Variants in CELF5 observed in about 807,000 individuals in gnomAD.
CELF5 encodes the protein CUGBP Elav-like family member 5.
A neutral mutation model predicts 54.9 loss-of-function variants in CELF5; 6 were observed. The observed-to-expected ratio is 0.11, with a 90% CI of 0.06 to 0.22. The LOEUF (loss-of-function observed/expected upper bound fraction) is 0.22. Among genes scored for constraint, CELF5 ranks in the 10% least tolerant of loss-of-function variants. The pLI, the probability that CELF5 is intolerant of heterozygous loss-of-function variation, is 1.00. For synonymous variants in CELF5, 271 were observed against 290.9 expected, an observed-to-expected ratio of 0.93 and a Z score of 0.70; for missense variants, 401 against 678.6, an observed-to-expected ratio of 0.59 and a Z score of 4.54.
intron 1 of CELF5, among the ~76,000 whole-genome samples, chr19:3,229,852 G>A (rs1917167214): frequency 6.6e-6 from 1 of 152,196 alleles, no homozygotes; most frequent in Non-Finnish European, 1.5e-5. Flanking sequence ...GGAAGCTCAG[G>A]TGCAGGGAGG....
rs982827138 is a variant in CELF5 at position 3,268,302 on chromosome 19, C to T, written c.343-5570C>T. Among the ~76,000 whole-genome samples the T allele has an allele frequency of 2.0e-5, 3 of 152,154 alleles. No individual in the cohort carries two copies. Among genetic ancestry groups the T allele is most frequent in the South Asian group, 2.1e-4 (1 of 4,820 alleles). The stretch of plus-strand genomic sequence containing the variant: ...GGTTACAGGTGTGAGCCACCACACC[C>T]GGCACCTAGAAGTGTTTGGAGGACT... On this transcript the variant is annotated intron_variant, in intron 2 of 12. Transcript: ENST00000292672. This position sits in a 1 kb window ranked among gnomAD's most constrained non-coding sequence, Gnocchi z 4.4.
chr19:3,263,129 C>T (rs2079828703), intron 2 of CELF5, among the ~76,000 whole-genome samples: 1 of 150,918 alleles, frequency 6.6e-6, no homozygotes, highest in South Asian at 2.1e-4. Flanking sequence ...CGCCTATAAT[C>T]CTAGCTACTC....
intron 4 of CELF5, 63 bp from the exon 5 acceptor site, chr19:3,277,968 G>A (rs976426524): frequency 1.5e-6 from 2 of 1,319,426 alleles, no homozygotes; most frequent in Admixed American, 3.5e-5. Context: ...CTCTCCTGTG[G>A]CCCCCGCTCA....
chr19:3,272,904 G>T (rs577413238), intron 2 of CELF5, among the ~76,000 whole-genome samples: 2 of 152,160 alleles, frequency 1.3e-5, no homozygotes, highest in Non-Finnish European at 2.9e-5. Context: ...TGTTCTCAAC[G>T]ATCCAAAATA....
intron 1 of CELF5, among the ~76,000 whole-genome samples, chr19:3,243,729 A>G (rs532053243): frequency 1.3e-5 from 2 of 152,268 alleles, no homozygotes; most frequent in South Asian, 4.1e-4. Context: ...GAAGTTCGAA[A>G]TCAAGGTGTT....
At chr19:3,267,863 G>T (rs1353741096) in intron 2 of CELF5, among the ~76,000 whole-genome samples, 1 of 152,118 alleles carries the variant, frequency 6.6e-6, no homozygotes, top group Non-Finnish European at 1.5e-5. Context: ...CCTCCATGCT[G>T]CAGGACTTGG....
intron 1 of CELF5, among the ~76,000 whole-genome samples, chr19:3,239,210 C>G (rs1389292362): frequency 6.6e-6 from 1 of 152,020 alleles, no homozygotes; most frequent in Non-Finnish European, 1.5e-5. Context: ...AGGGATCCTC[C>G]CGCCTCAGCC....
intron 2 of CELF5, among the ~76,000 whole-genome samples, chr19:3,258,635 A>C: frequency 6.6e-6 from 1 of 151,988 alleles, no homozygotes; most frequent in African/African-American, 2.4e-5. Flanking sequence ...TTTTAGAGAC[A>C]GGGTCTTGCT....
intron 12 of CELF5, chr19:3,294,417 T>C (rs2080401465): frequency 6.6e-6 from 1 of 152,146 alleles, no homozygotes; most frequent in African/African-American, 2.4e-5. Flanking sequence ...ATTTTTTTTT[T>C]TTTTAAATCA....
Position 3,278,056 on chromosome 19 carries a change from C to A in CELF5, c.549C>A (p.Ser183=), listed in dbSNP as rs766836380. ...GCTGTGCTTTCGTGAAGTTCTCCTCCCACACGGAGGCGCAGGCGGCCATCC... is the reference window on the plus strand; with the variant it reads ...GCTGTGCTTTCGTGAAGTTCTCCTCACACACGGAGGCGCAGGCGGCCATCC... ...SKGCAFVKFS[S]HTEAQAAIHA... Residue 183 remains serine, a synonymous_variant, in exon 5 of 13, where the codon TCC becomes TCA. Transcript: ENST00000292672. This position sits in a 1 kb window ranked among gnomAD's most constrained non-coding sequence, Gnocchi z 4.5. 1.2e-6 allele frequency: 2 copies of A among 1,613,810 alleles called. No individual in the cohort carries two copies. Among genetic ancestry groups the A allele is most frequent in the South Asian group, 2.2e-5 (2 of 91,070 alleles).
rs1368371110 is a variant in CELF5, at chr19:3,281,901, T to G, written c.751-225T>G. On this transcript the variant is annotated intron_variant, in intron 6 of 12. Transcript: ENST00000292672. The surrounding 1 kb of genome is among the most constrained non-coding windows in gnomAD (Gnocchi z 6.5). ...GCCTTGATCCCAGGCTGAGCCCCAA[T>G]TCCTGACTAGATTGAGCCCTGATCT... 6.6e-6 allele frequency among the ~76,000 whole-genome samples: 1 copy of G among 151,526 alleles called. No homozygotes were observed. The highest frequency in any genetic ancestry group is 2.4e-5 in the African/African-American group (1 of 41,232).
At chr19:3,226,127 G>A (rs1025036132) in intron 1 of CELF5, among the ~76,000 whole-genome samples, 4 of 150,346 alleles carry the variant, frequency 2.7e-5, no homozygotes, top group African/African-American at 7.4e-5. Flanking sequence ...GGACACCCCC[G>A]GCCCTCCCCC....
chr19:3,294,073 C>T (rs1311063827), intron 12 of CELF5: 2 of 152,252 alleles, frequency 1.3e-5, no homozygotes, highest in Non-Finnish European at 2.9e-5. Flanking sequence ...GGTGTCATTC[C>T]TACCCAATGA....
chr19:3,292,175 G>A (rs1279782831), intron 11 of CELF5, among the ~76,000 whole-genome samples: 1 of 151,872 alleles, frequency 6.6e-6, no homozygotes, highest in East Asian at 1.9e-4. Context: ...CCAAACTCCC[G>A]ACCTCAGGTG....
In CELF5 at chr19:3,228,038, A is replaced by G. The variant is rs1035525347; in HGVS notation, c.259+3040A>G. Reference sequence around the variant, plus strand: ...CCTCATCCAGGAGCGGGGCAGGGGTAGGGGGAGAGGGATGCGTCGAGGTGG... The same window carrying G: ...CCTCATCCAGGAGCGGGGCAGGGGTGGGGGGAGAGGGATGCGTCGAGGTGG... On this transcript the variant is annotated intron_variant, in intron 1 of 12. Coordinates refer to ENST00000292672, the MANE Select transcript of CELF5 (RefSeq NM_021938.4). This position sits in a 1 kb window ranked among gnomAD's most constrained non-coding sequence, Gnocchi z 6.0. 2.7e-5 allele frequency among the ~76,000 whole-genome samples: 4 copies of G among 149,802 alleles called. No homozygotes were observed. Among genetic ancestry groups the G allele is most frequent in the African/African-American group, 9.8e-5 (4 of 40,666 alleles).
chr19:3,285,721 C>G (rs1158547309), intron 9 of CELF5, among the ~76,000 whole-genome samples: 2 of 142,422 alleles, frequency 1.4e-5, no homozygotes, highest in South Asian at 2.3e-4. Flanking sequence ...CACCATGGCC[C>G]CGCCCCTCAG....
In CELF5 at chr19:3,278,628, C is replaced by T. The variant is rs1235712706; in HGVS notation, c.603+518C>T. 2.6e-5 allele frequency among the ~76,000 whole-genome samples: 4 copies of T among 150,950 alleles called. No homozygotes were observed. The highest frequency in any genetic ancestry group is 4.9e-5 in the African/African-American group (2 of 40,994). On this transcript the variant is annotated intron_variant, in intron 5 of 12. Transcript: ENST00000292672. This position sits in a 1 kb window ranked among gnomAD's most constrained non-coding sequence, Gnocchi z 4.5. ...CGTGTGTGTGAGTATGCCTGGGCCA[C>T]GGGGGAGGAAGCACATGTGTGTGCA...
intron 1 of CELF5, among the ~76,000 whole-genome samples, chr19:3,250,399 G>A (rs2079632480): frequency 6.6e-6 from 1 of 152,202 alleles, no homozygotes; most frequent in South Asian, 2.1e-4. Flanking sequence ...TGAGGCAGGA[G>A]AATGACGTGA....
At chr19:3,272,091 G>A (rs1488867679) in intron 2 of CELF5, among the ~76,000 whole-genome samples, 1 of 152,192 alleles carries the variant, frequency 6.6e-6, no homozygotes, top group Non-Finnish European at 1.5e-5. Flanking sequence ...CATTTGGCCG[G>A]GTGCAGGGGC....
Sources: gnomAD v4.1 joint callset for allele counts (sites outside exome capture counted in the v4.1 genomes callset) on GRCh38, gnomAD v4.1.1 for gene constraint, Gnocchi (gnomAD v3.1) non-coding constraint, MANE v1.5 for transcripts, NCBI Gene and HGNC (gene_info 2026-07-23, HGNC 2026-07-21) for gene names.